USP34: variants seen among roughly 807,000 people sequenced by gnomAD.
The protein encoded by USP34 is ubiquitin specific peptidase 34, also known as ubiquitin carboxyl-terminal hydrolase 34.
A neutral mutation model predicts 460.3 loss-of-function variants in USP34; 70 were observed. The observed-to-expected ratio is 0.15, with a 90% CI of 0.13 to 0.19. The LOEUF (loss-of-function observed/expected upper bound fraction) is 0.19, where lower values mean the gene tolerates loss of function less well. Ranked by LOEUF, USP34 falls within the 10% of genes least tolerant of loss-of-function variation. USP34 has a pLI of 1.00. For synonymous variants in USP34, 1,647 were observed against 1,405.3 expected, an observed-to-expected ratio of 1.17 and a Z score of -3.85; for missense variants, 3,985 against 4,236.2, an observed-to-expected ratio of 0.94 and a Z score of 1.65.
At chr2:61,462,416 G>A (rs1321628969) in intron 1 of USP34, among the ~76,000 whole-genome samples, 1 of 151,512 alleles carries the variant, frequency 6.6e-6, no homozygotes, top group African/African-American at 2.4e-5. Context: ...GGGCATGGTG[G>A]TACGCACCTG....
chr2:61,417,861 G>A (rs1489205081), intron 2 of USP34, among the ~76,000 whole-genome samples: 1 of 140,372 alleles, frequency 7.1e-6, no homozygotes, highest in Non-Finnish European at 1.5e-5. Context: ...CCTTCCTCAG[G>A]CTCCCGAGTA....
At chr2:61,390,532 A>C (rs1693311842) in intron 5 of USP34, among the ~76,000 whole-genome samples, 1 of 152,232 alleles carries the variant, frequency 6.6e-6, no homozygotes, top group African/African-American at 2.4e-5. Flanking sequence ...GCTGTTATTA[A>C]AGAACGGATC....
rs13432772 is a variant in USP34 at position 61,233,207 on chromosome 2, T to G, written c.7033-675A>C. Among the ~76,000 whole-genome samples the G allele has an allele frequency of 5.4e-3, 825 of 152,146 alleles. 6 individuals are homozygous for G. The highest frequency in any genetic ancestry group is 0.017 in the African/African-American group (716 of 41,514). ...GAGCATGATTAATTTTCTTTCTGTTTAAAAACAAATTATGATCTAATTAGC... is the reference window on the plus strand; with the variant it reads ...GAGCATGATTAATTTTCTTTCTGTTGAAAAACAAATTATGATCTAATTAGC... On this transcript the variant is annotated intron_variant, in intron 57 of 79. Transcript: ENST00000398571.
At chr2:61,354,669 T>C (rs1692052471) in intron 10 of USP34, among the ~76,000 whole-genome samples, 1 of 152,150 alleles carries the variant, frequency 6.6e-6, no homozygotes. Flanking sequence ...GTAGCTTTTT[T>C]TCACAGCCAG....
intron 53 of USP34, 39 bp downstream of exon 53, chr2:61,241,521 A>G (rs545818196): frequency 4.7e-6 from 7 of 1,482,262 alleles, no homozygotes; most frequent in East Asian, 4.5e-5. Flanking sequence ...AACACTTAAC[A>G]TATTTTTAAA....
chr2:61,264,672 A>T (rs1688992888), intron 43 of USP34, among the ~76,000 whole-genome samples: 1 of 152,140 alleles, frequency 6.6e-6, no homozygotes, highest in South Asian at 2.1e-4. Flanking sequence ...TCCAAGAGCA[A>T]GTATAAAGGA....
At chr2:61,207,006 TGCAAA>T in intron 70 of USP34, 120 bp from the exon 71 acceptor site, 1 of 1,077,316 alleles carries the variant, frequency 9.3e-7, no homozygotes, top group Non-Finnish European at 1.3e-6. Flanking sequence ...TGCACATGTG[TGCAAA>T]GCAAACGTAT....
intron 69 of USP34, among the ~76,000 whole-genome samples, chr2:61,209,562 C>G (rs1201713583): frequency 6.6e-6 from 1 of 152,210 alleles, no homozygotes; most frequent in Non-Finnish European, 1.5e-5. Flanking sequence ...CCACATGTCT[C>G]TGATGACGCT....
chr2:61,349,757 C>T (rs887372416), intron 12 of USP34, among the ~76,000 whole-genome samples: 2 of 151,976 alleles, frequency 1.3e-5, no homozygotes, highest in Admixed American at 6.6e-5. Context: ...AGGAGAATGA[C>T]GTGAACCCGG....
At chr2:61,330,806 AT>A (rs754859428) in intron 20 of USP34, among the ~76,000 whole-genome samples, 5 of 152,184 alleles carry the variant, frequency 3.3e-5, no homozygotes, top group Non-Finnish European at 5.9e-5. Context: ...TAATGAGAAA[AT>A]ATTAATGATA....
At chr2:61,442,924 C>CAA (rs1558597427) in intron 1 of USP34, among the ~76,000 whole-genome samples, 1 of 151,796 alleles carries the variant, frequency 6.6e-6, no homozygotes, top group African/African-American at 2.4e-5. Context: ...CACACACACA[C>CAA]ACACACACAC....
rs372166363 is a variant in USP34, at chr2:61,249,863, A to G, written c.6222-1180T>C. ...CATGAGTCTGGACAGAATATCTCCA[A>G]GAGTTCTCACTGTGACAGGATACCT... On this transcript the variant is annotated intron_variant, in intron 48 of 79. Transcript: ENST00000398571. 3.1e-3 allele frequency: 487 copies of G among 158,154 alleles called. 2 individuals are homozygous for G. The highest frequency in any genetic ancestry group is 4.1e-3 in the Non-Finnish European group (291 of 70,648). 9.8% of individuals were successfully genotyped at this position (158,154 alleles called of 1,614,324 possible).
chr2:61,335,691 G>T (rs1053010703), intron 18 of USP34, among the ~76,000 whole-genome samples: 3 of 152,200 alleles, frequency 2.0e-5, no homozygotes, highest in Non-Finnish European at 2.9e-5. Context: ...GGAGGTTACA[G>T]TGAGCTGAGA....
At chr2:61,255,379 C>T (rs1170503540) in intron 48 of USP34, among the ~76,000 whole-genome samples, 1 of 152,166 alleles carries the variant, frequency 6.6e-6, no homozygotes, top group Admixed American at 6.5e-5. Context: ...ACTGTAACAG[C>T]CAACTGCCTG....
At chr2:61,345,527 A>C (rs1369191212) in intron 15 of USP34, among the ~76,000 whole-genome samples, 2 of 152,248 alleles carry the variant, frequency 1.3e-5, no homozygotes, top group Non-Finnish European at 2.9e-5. Context: ...ATCACTCGTA[A>C]CGACAATGAT....
chr2:61,365,256 TACACACACACACACAC>T (rs34689463), intron 10 of USP34, among the ~76,000 whole-genome samples: 20 of 142,446 alleles, frequency 1.4e-4, no homozygotes, highest in Admixed American at 4.2e-4. Context: ...CATTTCAAAA[TACACACACACACACAC>T]ACACACACAC....
At chr2:61,341,550 T>C (rs1691600377) in intron 16 of USP34, among the ~76,000 whole-genome samples, 1 of 151,908 alleles carries the variant, frequency 6.6e-6, no homozygotes, top group Non-Finnish European at 1.5e-5. Flanking sequence ...GATCTGGTTG[T>C]TTAGAAGAGA....
intron 50 of USP34, among the ~76,000 whole-genome samples, chr2:61,245,734 A>T (rs940517793): frequency 2.0e-5 from 3 of 152,036 alleles, no homozygotes; most frequent in African/African-American, 4.8e-5. Context: ...ACTCAATGAA[A>T]TTATTCTGCT....
intron 69 of USP34, among the ~76,000 whole-genome samples, chr2:61,209,909 G>T (rs6545845): frequency 4.0e-5 from 6 of 151,720 alleles, no homozygotes; most frequent in Admixed American, 6.6e-5. Context: ...AATTGTGTGT[G>T]TTTATGTCTT....
Sources: gnomAD v4.1 joint callset for allele counts (sites outside exome capture counted in the v4.1 genomes callset) on GRCh38, gnomAD v4.1.1 for gene constraint, MANE v1.5 for transcripts, NCBI Gene and HGNC (gene_info 2026-07-23, HGNC 2026-07-21) for gene names.